The following GSE1 variants were observed in gnomAD, a reference collection of about 807,000 sequenced individuals.
GSE1 encodes genetic suppressor element 1.
In GSE1, 32 loss-of-function variants were observed where a neutral mutation model predicts 112.6. The observed-to-expected ratio is 0.28, with a 90% CI of 0.21 to 0.38. GSE1 has a LOEUF of 0.38. Among genes scored for constraint, GSE1 ranks in the 10% least tolerant of loss-of-function variants. The pLI, the probability that GSE1 is intolerant of heterozygous loss-of-function variation, is 1.00. For synonymous variants in GSE1, 1,115 were observed against 735.6 expected, an observed-to-expected ratio of 1.52 and a Z score of -8.35; for missense variants, 2,348 against 1,699.2, an observed-to-expected ratio of 1.38 and a Z score of -6.71.
upstream of GSE1, chr16:85,611,365 C>A (rs545190676): frequency 5.5e-6 from 3 of 544,296 alleles, no homozygotes; most frequent in Non-Finnish European, 7.0e-6. Context: ...GTGAATCCGC[C>A]GGCCAGTGCG....
At chr16:85,467,226 C>T (rs1360428218) in intron 2 of GSE1, among the ~76,000 whole-genome samples, 2 of 152,198 alleles carry the variant, frequency 1.3e-5, no homozygotes, top group Non-Finnish European at 2.9e-5. Flanking sequence ...CGGAGCGAGC[C>T]AGCCTGGGTT....
In GSE1 at chr16:85,179,507, C is replaced by T. The variant is rs540286471; in HGVS notation, c.2283+7700C>T. Among the ~76,000 whole-genome samples, 14 of 152,254 alleles carry T rather than the reference C, an allele frequency of 9.2e-5. No individual in the cohort carries two copies. In the East Asian group the frequency reaches 1.2e-3, roughly 13 times the overall value. On this transcript the variant is annotated intron_variant, in intron 1 of 2. Coordinates refer to the GSE1 transcript ENST00000637419. Reference sequence around the variant, plus strand: ...GATGTCTTCATTTCTCTTGAGTGTGCGCCTGGGAGTAAGGTTGCTGCGTCC... The same window carrying T: ...GATGTCTTCATTTCTCTTGAGTGTGTGCCTGGGAGTAAGGTTGCTGCGTCC...
intron 1 of GSE1, among the ~76,000 whole-genome samples, chr16:85,582,738 A>G (rs556213647): frequency 1.6e-3 from 246 of 152,154 alleles, no homozygotes; most frequent in African/African-American, 5.7e-3. Context: ...GCCATCCTGC[A>G]CAACCCCCCC....
At chr16:85,525,154 C>G (rs980865347) in intron 2 of GSE1, among the ~76,000 whole-genome samples, 2 of 152,052 alleles carry the variant, frequency 1.3e-5, no homozygotes, top group African/African-American at 4.8e-5. Flanking sequence ...CAGGGGGTAA[C>G]TGGCCCCTGG....
intron 2 of GSE1, among the ~76,000 whole-genome samples, chr16:85,480,818 C>A (rs1426215376): frequency 6.6e-6 from 1 of 152,292 alleles, no homozygotes; most frequent in African/African-American, 2.4e-5. Context: ...AGCGCCTGCT[C>A]CCTGAAGTTT....
intron 3 of GSE1, among the ~76,000 whole-genome samples, chr16:85,651,684 C>T (rs1374611590): frequency 3.9e-5 from 6 of 152,226 alleles, no homozygotes; most frequent in African/African-American, 1.4e-4. Context: ...TCCTCCAGCC[C>T]TCTTCTGACT....
rs1404638075 is a variant in GSE1, at chr16:85,514,483, G to A, written c.2465-119431G>A. Among the ~76,000 whole-genome samples, 16 of 150,892 alleles carry A rather than the reference G, an allele frequency of 1.1e-4. No homozygotes were observed. In the Admixed American group the frequency reaches 1.1e-3, roughly 10 times the overall value. On this transcript the variant is annotated intron_variant, in intron 2 of 2. Transcript: ENST00000637419. The stretch of plus-strand genomic sequence containing the variant: ...CATCCTTGGCTCTGGAGGAGGGACA[G>A]GGCAGTCAGGCCTGGAGGTGGCGGG...
At chr16:85,392,202 G>T (rs1182756345) in intron 2 of GSE1, among the ~76,000 whole-genome samples, 4 of 152,110 alleles carry the variant, frequency 2.6e-5, no homozygotes, top group Non-Finnish European at 5.9e-5. Context: ...TAACAGAACA[G>T]CTGGCACACA....
intron 2 of GSE1, among the ~76,000 whole-genome samples, chr16:85,437,785 G>A (rs1282622689): frequency 1.3e-5 from 2 of 152,262 alleles, no homozygotes; most frequent in African/African-American, 2.4e-5. Context: ...GAACACCACC[G>A]CCTAGAGCTA....
At chr16:85,494,277 TG>T (rs1193390375) in intron 2 of GSE1, among the ~76,000 whole-genome samples, 2 of 152,218 alleles carry the variant, frequency 1.3e-5, no homozygotes, top group African/African-American at 4.8e-5. Flanking sequence ...TGGCTTCTGG[TG>T]GCTCCTGGTG....
At chr16:85,599,852 A>G (rs79894245) in intron 1 of GSE1, among the ~76,000 whole-genome samples, 2,340 of 152,250 alleles carry the variant, frequency 0.015, 180 homozygotes, top group Admixed American at 0.12. Flanking sequence ...GTGAGCTATG[A>G]TCGTACCACT....
At chr16:85,443,508 A>G (rs531257150) in intron 2 of GSE1, among the ~76,000 whole-genome samples, 5 of 152,262 alleles carry the variant, frequency 3.3e-5, no homozygotes, top group Non-Finnish European at 7.3e-5. Context: ...CACCTGGCCC[A>G]TGGTAATGTT....
chr16:85,549,851 C>T lies in GSE1; in HGVS notation c.2465-84063C>T, dbSNP rs544416457. On this transcript the variant is annotated intron_variant, in intron 2 of 2. Transcript: ENST00000637419. ...TTCTCTGGGCCTCAGCATCTTCATG[C>T]ACAAAAGTGGGTGATGGTCACTGTG... Among the ~76,000 whole-genome samples the T allele has an allele frequency of 2.6e-5, 4 of 152,310 alleles. No individual in the cohort carries two copies. The East Asian group carries it at 7.7e-4, about 29-fold the overall frequency.
chr16:85,627,114 G>A (rs1439317739), intron 1 of GSE1, among the ~76,000 whole-genome samples: 1 of 100,808 alleles, frequency 9.9e-6, no homozygotes, highest in Non-Finnish European at 1.8e-5. Flanking sequence ...TAGAAACCTA[G>A]CCAGAGAATA....
At chr16:85,273,606 G>C (rs1429101911) in intron 1 of GSE1, among the ~76,000 whole-genome samples, 1 of 152,190 alleles carries the variant, frequency 6.6e-6, no homozygotes, top group Non-Finnish European at 1.5e-5. Flanking sequence ...GAACAGGCCA[G>C]TCCATAGGGT....
intron 1 of GSE1, among the ~76,000 whole-genome samples, chr16:85,273,531 C>T (rs1033373360): frequency 8.8e-5 from 13 of 148,496 alleles, no homozygotes; most frequent in African/African-American, 2.2e-4. Flanking sequence ...GAAAACGTGA[C>T]GCTGAGTGAC....
At chr16:85,351,036 T>C (rs1189511069) in intron 1 of GSE1, among the ~76,000 whole-genome samples, 2 of 152,214 alleles carry the variant, frequency 1.3e-5, no homozygotes, top group African/African-American at 4.8e-5. Context: ...TGCCTCGGCC[T>C]CCCAAGGTGC....
rs768064166 is a variant in GSE1 at position 85,661,162 on chromosome 16, C to T, written c.1657C>T (p.His553Tyr). The change falls in exon 9 of 16, where the codon CAC (histidine) becomes TAC (tyrosine). Residue 553 changes from histidine (H) to tyrosine (Y), a missense_variant. Physicochemically the swap from His to Tyr is moderately conservative, Grantham distance 83. Coordinates refer to ENST00000253458, the MANE Select transcript of GSE1 (RefSeq NM_014615.5). ...ESTTRPGPNR[H>Y]EPGGRDPPQH... is the part of the protein sequence containing the mutation. ...ACTCCCTAGGCCAGGACCAAACCGT[C>T]ACGAGCCAGGTGGCCGTGACCCTCC... 1.3e-6 allele frequency: 2 copies of T among 1,589,748 alleles called. No homozygotes were observed. Among genetic ancestry groups the T allele is most frequent in the Admixed American group, 3.4e-5 (2 of 59,094 alleles).
chr16:85,208,427 C>T (rs1191935377), intron 1 of GSE1, among the ~76,000 whole-genome samples: 1 of 152,216 alleles, frequency 6.6e-6, no homozygotes, highest in African/African-American at 2.4e-5. Flanking sequence ...GTCATAGCAG[C>T]CACGCCCTGG....
Sources: gnomAD v4.1 joint callset for allele counts (sites outside exome capture counted in the v4.1 genomes callset) on GRCh38, gnomAD v4.1.1 for gene constraint, MANE v1.5 for transcripts, NCBI Gene and HGNC (gene_info 2026-07-23, HGNC 2026-07-21) for gene names.